FTO: variants seen among roughly 807,000 people sequenced by gnomAD.
The protein encoded by FTO is FTO alpha-ketoglutarate dependent dioxygenase.
Under a neutral mutation model 63.9 loss-of-function variants are expected in FTO, and 47 were observed. The ratio of observed to expected loss-of-function variants is 0.74; its 90% CI spans 0.58 to 0.94. FTO has a LOEUF of 0.94. Among genes scored for constraint, FTO ranks in the 40% least tolerant of loss-of-function variants. FTO has a pLI of 0.00. For missense variants in FTO, 562 were observed against 618.1 expected, an observed-to-expected ratio of 0.91 and a Z score of 0.96; for synonymous variants, 207 against 224.4, an observed-to-expected ratio of 0.92 and a Z score of 0.69.
chr16:53,787,134 A>AAAAAAAAAG lies in FTO; in HGVS notation c.46-23000_46-22992dup, dbSNP rs1567985666. Reference sequence around the variant, plus strand: ...TCAAAAAAAAAAAAAAAAAAAAAAAAAAAAAAAAGAAAAAGAAACACCATC... The same window carrying AAAAAAAAAG: ...TCAAAAAAAAAAAAAAAAAAAAAAAAAAAAAAAAGAAAAAAAAGAAAAAGAAACACCATC... On this transcript the variant is annotated intron_variant, in intron 1 of 8. Coordinates refer to ENST00000471389, the MANE Select transcript of FTO (RefSeq NM_001080432.3). Among the ~76,000 whole-genome samples, 32 of 133,848 alleles carry AAAAAAAAAG rather than the reference A, an allele frequency of 2.4e-4. 7 individuals carry two copies. The highest frequency in any genetic ancestry group is 3.8e-4 in the Non-Finnish European group (24 of 63,268). 87.8% of individuals were successfully genotyped at this position (133,848 alleles called of 152,430 possible). A position where few individuals can be genotyped will look rare whatever the true frequency, so the allele number is the denominator to read the frequency against.
chr16:53,986,122 A>G (rs2083661573), intron 8 of FTO, among the ~76,000 whole-genome samples: 1 of 152,212 alleles, frequency 6.6e-6, no homozygotes. Context: ...TTCTACTGAT[A>G]GACTATTCTA....
chr16:53,899,276 A>C (rs1405099042), intron 7 of FTO, among the ~76,000 whole-genome samples: 1 of 151,904 alleles, frequency 6.6e-6, no homozygotes, highest in Admixed American at 6.6e-5. Flanking sequence ...TTAGTTTCCC[A>C]GAGTACCAGT....
rs117529665 is a variant in FTO, at chr16:54,108,119, G to A, written c.1365-3643G>A. Among the ~76,000 whole-genome samples, 1,085 of 152,282 alleles carry A rather than the reference G, an allele frequency of 7.1e-3. 18 individuals carry two copies. Among genetic ancestry groups the A allele is most frequent in the East Asian group, 0.059 (306 of 5,176 alleles). Reference sequence around the variant, plus strand: ...AAAATTAGAATCCTGTTGGTGGAACGGTGGGAGTAAATACAGGACAACAAA... The same window carrying A: ...AAAATTAGAATCCTGTTGGTGGAACAGTGGGAGTAAATACAGGACAACAAA... On this transcript the variant is annotated intron_variant, in intron 8 of 8. Coordinates refer to ENST00000471389, the MANE Select transcript of FTO (RefSeq NM_001080432.3).
chr16:53,704,142 G>A (rs375031347), upstream of FTO: 565 of 1,547,300 alleles, frequency 3.7e-4, no homozygotes, highest in Non-Finnish European at 3.1e-4. Context: ...CAGGGCGAGG[G>A]ATCTACGCAG....
chr16:53,824,554 G>A (rs982651007), intron 2 of FTO, among the ~76,000 whole-genome samples: 1 of 152,088 alleles, frequency 6.6e-6, no homozygotes, highest in African/African-American at 2.4e-5. Context: ...AAAGCTTTGT[G>A]AGAACAGGGA....
chr16:53,868,988 C>A (rs369840382), intron 4 of FTO, among the ~76,000 whole-genome samples: 2 of 151,976 alleles, frequency 1.3e-5, no homozygotes, highest in African/African-American at 4.8e-5. Context: ...TGTGCCACTG[C>A]GCCCACCTGA....
rs577415588 is a variant in FTO at position 53,895,406 on chromosome 16, A to G, written c.1239+6455A>G. ...TTCGAAAGCACAAAGGACTGTGTTT[A>G]TGATTCTCTTTGAAGTGTTTTTGCA... On this transcript the variant is annotated intron_variant, in intron 7 of 8. Transcript: ENST00000471389. Among the ~76,000 whole-genome samples the G allele has an allele frequency of 3.9e-5, 6 of 152,310 alleles. No individual in the cohort carries two copies. In the South Asian group the frequency reaches 1.2e-3, roughly 32 times the overall value.
chr16:54,039,225 A>G (rs148990908), intron 8 of FTO: 1 of 152,368 alleles, frequency 6.6e-6, no homozygotes, highest in Non-Finnish European at 1.5e-5. Context: ...AGCATTTTCT[A>G]GAGCATCTAG....
intron 4 of FTO, among the ~76,000 whole-genome samples, chr16:53,864,772 A>G (rs969256579): frequency 3.0e-4 from 45 of 152,192 alleles, no homozygotes; most frequent in Admixed American, 2.0e-4. Context: ...GGTCTTAAGT[A>G]TATCCTTTGA....
chr16:53,778,797 A>C (rs1233161914), intron 1 of FTO, among the ~76,000 whole-genome samples: 1 of 149,228 alleles, frequency 6.7e-6, no homozygotes, highest in Non-Finnish European at 1.5e-5. Context: ...CACAGGGAGG[A>C]TTTTTTTTTA....
intron 3 of FTO, among the ~76,000 whole-genome samples, chr16:53,841,467 T>C (rs1193459486): frequency 6.6e-6 from 1 of 152,190 alleles, no homozygotes; most frequent in Non-Finnish European, 1.5e-5. Context: ...CAGTGTTAGA[T>C]TTCAGACCAA....
At position 53,745,648 on chromosome 16, in the gene FTO, A is replaced by G. The variant is rs113059130; in HGVS notation, c.45+41419A>G. 9.7e-3 allele frequency among the ~76,000 whole-genome samples: 1,478 copies of G among 152,306 alleles called. 22 individuals are homozygous for G. The highest frequency in any genetic ancestry group is 0.04 in the East Asian group (209 of 5,190). ...GTGTATAGGAGAGGCATAGGATCCC[A>G]GAGGAGGATGGTCAGGGTCTTTTGT... On this transcript the variant is annotated intron_variant, in intron 1 of 8. Coordinates refer to ENST00000471389, the MANE Select transcript of FTO (RefSeq NM_001080432.3).
chr16:53,781,919 G>A (rs1279773901), intron 1 of FTO, among the ~76,000 whole-genome samples: 2 of 152,256 alleles, frequency 1.3e-5, no homozygotes, highest in African/African-American at 2.4e-5. Flanking sequence ...GTTTTGGCAC[G>A]TGAACTTCTC....
intron 8 of FTO, among the ~76,000 whole-genome samples, chr16:54,096,253 CA>C (rs763922081): frequency 1.3e-5 from 2 of 152,164 alleles, no homozygotes; most frequent in Non-Finnish European, 2.9e-5. Flanking sequence ...TGTTAGTTTC[CA>C]AATGTTAGCT....
At chr16:53,750,964 T>C (rs142598376) in intron 1 of FTO, among the ~76,000 whole-genome samples, 50 of 152,368 alleles carry the variant, frequency 3.3e-4, no homozygotes, top group African/African-American at 1.2e-3. Flanking sequence ...TTGTGGGTGG[T>C]GACATTCCTG....
At chr16:53,708,283 C>T (rs1196779850) in intron 1 of FTO, among the ~76,000 whole-genome samples, 1 of 151,996 alleles carries the variant, frequency 6.6e-6, no homozygotes, top group Non-Finnish European at 1.5e-5. Flanking sequence ...TGAGAATCAC[C>T]TAACCTGGAA....
At chr16:53,811,799 C>G (rs1301313943) in intron 2 of FTO, among the ~76,000 whole-genome samples, 2 of 152,042 alleles carry the variant, frequency 1.3e-5, no homozygotes, top group African/African-American at 4.8e-5. Flanking sequence ...ACCTCCTTCT[C>G]TTTATCTGTC....
At chr16:53,730,111 T>A (rs1009661301) in intron 1 of FTO, among the ~76,000 whole-genome samples, 1 of 152,220 alleles carries the variant, frequency 6.6e-6, no homozygotes, top group Non-Finnish European at 1.5e-5. Context: ...ACAGTATACA[T>A]TTTGAAGAGC....
intron 5 of FTO, among the ~76,000 whole-genome samples, chr16:53,877,950 A>T (rs1189338240): frequency 6.6e-6 from 1 of 152,194 alleles, no homozygotes; most frequent in African/African-American, 2.4e-5. Context: ...CTCACTCCAT[A>T]CTTGGGAAAG....
Sources: gnomAD v4.1 joint callset for allele counts (sites outside exome capture counted in the v4.1 genomes callset) on GRCh38, gnomAD v4.1.1 for gene constraint, MANE v1.5 for transcripts, NCBI Gene and HGNC (gene_info 2026-07-23, HGNC 2026-07-21) for gene names.